Variants in KDM4C observed in about 807,000 individuals in gnomAD.
KDM4C encodes the protein lysine-specific demethylase 4C.
In KDM4C, 81 loss-of-function variants were observed where a neutral mutation model predicts 129.3. The observed-to-expected ratio is 0.63, with a 90% CI of 0.52 to 0.75. KDM4C has a LOEUF of 0.75. Ranked by LOEUF, KDM4C falls within the 30% of genes least tolerant of loss-of-function variation. The pLI, the probability that KDM4C is intolerant of heterozygous loss-of-function variation, is 0.00. For synonymous variants in KDM4C, 573 were observed against 456.1 expected (o/e 1.26, Z -3.26); for missense variants, 1,457 against 1,304.0 (o/e 1.12, Z -1.81).
chr9:7,070,870 A>G (rs1360082843), intron 17 of KDM4C, among the ~76,000 whole-genome samples: 1 of 152,204 alleles, frequency 6.6e-6, no homozygotes, highest in Non-Finnish European at 1.5e-5. Flanking sequence ...GCTGTAAGGC[A>G]AGAAAAATGA....
chr9:6,856,913 G>T (rs972158994), intron 5 of KDM4C, among the ~76,000 whole-genome samples: 1 of 151,698 alleles, frequency 6.6e-6, no homozygotes, highest in Non-Finnish European at 1.5e-5. Context: ...GCCCGCCACC[G>T]CGCCCGGCTA....
At chr9:7,098,892 G>A (rs2133109137) in intron 17 of KDM4C, among the ~76,000 whole-genome samples, 1 of 146,852 alleles carries the variant, frequency 6.8e-6, no homozygotes, top group East Asian at 2.0e-4. Context: ...AAATCTTACA[G>A]GTAGGGTTAA....
intron 4 of KDM4C, among the ~76,000 whole-genome samples, chr9:6,830,502 A>T (rs776766014): frequency 1.3e-5 from 2 of 152,230 alleles, no homozygotes; most frequent in Non-Finnish European, 2.9e-5. Flanking sequence ...AATATATGCT[A>T]GTTACAACAA....
intron 8 of KDM4C, among the ~76,000 whole-genome samples, chr9:6,973,605 G>C (rs181187563): frequency 6.6e-6 from 1 of 152,182 alleles, no homozygotes; most frequent in African/African-American, 2.4e-5. Flanking sequence ...TGGTAACCTA[G>C]AATTTATTTG....
At chr9:7,075,099 A>G (rs1172446654) in intron 17 of KDM4C, among the ~76,000 whole-genome samples, 1 of 152,140 alleles carries the variant, frequency 6.6e-6, no homozygotes, top group African/African-American at 2.4e-5. Flanking sequence ...CCCAGCAGAA[A>G]GCATCCCAGC....
intron 12 of KDM4C, among the ~76,000 whole-genome samples, chr9:7,002,557 A>C (rs572579550): frequency 4.6e-5 from 7 of 152,196 alleles, no homozygotes; most frequent in Non-Finnish European, 8.8e-5. Context: ...TTTGATGCTC[A>C]GAATATGTTC....
At chr9:6,883,809 T>A (rs1451809154) in intron 6 of KDM4C, among the ~76,000 whole-genome samples, 1 of 152,110 alleles carries the variant, frequency 6.6e-6, no homozygotes, top group Admixed American at 6.6e-5. Context: ...ACCAGTTTGA[T>A]CCCAATGTTC....
Position 6,986,500 on chromosome 9 carries a change from A to G in KDM4C, c.1511A>G (p.Glu504Gly). The G allele has an allele frequency of 6.2e-7, 1 of 1,614,140 alleles. No homozygotes were observed. Among genetic ancestry groups the G allele is most frequent in the Non-Finnish European group, 8.5e-7 (1 of 1,180,028 alleles). The part of the protein sequence containing the change: ...YEKPEKSDPS[E>G]LSWPKSPESC... ...AAGCCCGAGAAATCAGACCCATCCG[A>G]GCTTTCATGGCCAAAGTCACCTGAG... is the stretch of plus-strand genomic sequence containing the variant. Residue 504 changes from glutamate (E) to glycine (G), a missense_variant, in exon 11 of 22, where the codon GAG becomes GGG. Coordinates refer to ENST00000381309, the MANE Select transcript of KDM4C (RefSeq NM_015061.6).
intron 4 of KDM4C, among the ~76,000 whole-genome samples, chr9:6,836,312 C>T (rs936869652): frequency 4.6e-5 from 7 of 152,080 alleles, no homozygotes; most frequent in Admixed American, 6.6e-5. Flanking sequence ...GCGGAGGTTG[C>T]GGTGCGCCAA....
At chr9:6,842,404 G>T (rs1318943093) in intron 4 of KDM4C, among the ~76,000 whole-genome samples, 1 of 145,256 alleles carries the variant, frequency 6.9e-6, no homozygotes, top group Non-Finnish European at 1.5e-5. Flanking sequence ...CTGCAACCTC[G>T]GCTCACTGCA....
chr9:7,169,049 T>TAAGA (rs1844687724), intron 20 of KDM4C, among the ~76,000 whole-genome samples: 2 of 128,078 alleles, frequency 1.6e-5, no homozygotes, highest in Non-Finnish European at 3.2e-5. Context: ...TGTCTCAATT[T>TAAGA]AAAAAAAAAA....
chr9:6,766,605 T>G (rs1018629882), intron 1 of KDM4C, among the ~76,000 whole-genome samples: 4 of 152,062 alleles, frequency 2.6e-5, no homozygotes, highest in African/African-American at 9.7e-5. Flanking sequence ...TGTGGTTCCC[T>G]AATTAAACTG....
chr9:6,723,085 C>G (rs1238071761), intron 1 of KDM4C, among the ~76,000 whole-genome samples: 1 of 152,074 alleles, frequency 6.6e-6, no homozygotes, highest in Non-Finnish European at 1.5e-5. Context: ...TGAATGGTGT[C>G]TTAGTTGTAA....
At position 6,834,847 on chromosome 9, in the gene KDM4C, C is replaced by T; in HGVS notation, c.436-14660C>T. The T allele has an allele frequency of 1.0e-5, 14 of 1,375,644 alleles. No homozygotes were observed. The South Asian group carries it at 1.6e-4, about 16-fold the overall frequency. The allele number at this position is 1,375,644 out of a possible 1,614,324, so 85.2% of individuals were successfully genotyped here. On this transcript the variant is annotated intron_variant, in intron 4 of 21. Transcript: ENST00000381309. ...TGTTTGAGACCTTCATCACCCCAGC[C>T]ATGTACATGGCCATCCAGCCCGTGC...
At chr9:6,766,459 CT>C (rs1392463389) in intron 1 of KDM4C, among the ~76,000 whole-genome samples, 1 of 151,416 alleles carries the variant, frequency 6.6e-6, no homozygotes, top group Non-Finnish European at 1.5e-5. Context: ...AGTTGGCCCC[CT>C]TTAGTGGGGG....
chr9:7,159,918 A>C (rs1159340527), intron 19 of KDM4C, among the ~76,000 whole-genome samples: 2 of 152,212 alleles, frequency 1.3e-5, no homozygotes, highest in Non-Finnish European at 2.9e-5. Context: ...TACTATCCTG[A>C]CGAGTGTTTT....
intron 8 of KDM4C, among the ~76,000 whole-genome samples, chr9:6,951,777 TAA>T (rs1431168367): frequency 1.3e-5 from 2 of 152,212 alleles, no homozygotes; most frequent in Non-Finnish European, 2.9e-5. Flanking sequence ...CATTTATAAT[TAA>T]AAGAGAAAAA....
intron 6 of KDM4C, among the ~76,000 whole-genome samples, chr9:6,887,168 T>TGTG (rs1845437709): frequency 6.6e-6 from 1 of 152,216 alleles, no homozygotes; most frequent in Admixed American, 6.5e-5. Flanking sequence ...GCCTTCCCTC[T>TGTG]GAGTGAGGAA....
intron 8 of KDM4C, among the ~76,000 whole-genome samples, chr9:6,923,636 C>G (rs1030261397): frequency 6.6e-6 from 1 of 152,190 alleles, no homozygotes; most frequent in Admixed American, 6.5e-5. Context: ...GCAAGTTCTT[C>G]AGAGTCTTGT....
Sources: allele counts gnomAD v4.1 joint callset (sites outside exome capture counted in the v4.1 genomes callset), GRCh38; gene constraint gnomAD v4.1.1; transcripts MANE v1.5; gene names NCBI Gene and HGNC (gene_info 2026-07-23, HGNC 2026-07-21).